Variants in ATP6V1H observed in about 807,000 individuals in gnomAD.
ATP6V1H encodes V-type proton ATPase subunit H.
In ATP6V1H, 39 loss-of-function variants were observed where a neutral mutation model predicts 71.7. The observed-to-expected ratio is 0.54, with a 90% CI of 0.42 to 0.71. ATP6V1H has a LOEUF of 0.71. Among genes scored for constraint, ATP6V1H ranks in the 30% least tolerant of loss-of-function variants. The pLI, the probability that ATP6V1H is intolerant of heterozygous loss-of-function variation, is 0.00. For missense variants in ATP6V1H, 509 were observed against 594.9 expected (o/e 0.86, Z 1.50); for synonymous variants, 192 against 199.3 (o/e 0.96, Z 0.31).
At position 53,781,508 on chromosome 8, in the gene ATP6V1H, G is replaced by C. The variant is rs188125607; in HGVS notation, c.871-9341C>G. On this transcript the variant is annotated intron_variant, in intron 9 of 13. Transcript: ENST00000359530. ...TGTGGGTTGCCTGTTCACTCTGGTG[G>C]TGGTTTCTTTTGCTGTGCAGAAGTT... Among the ~76,000 whole-genome samples the C allele has an allele frequency of 4.4e-4, 67 of 152,298 alleles. 1 individual carries two copies. In the East Asian group the frequency reaches 9.4e-3, roughly 21 times the overall value.
intron 9 of ATP6V1H, among the ~76,000 whole-genome samples, chr8:53,785,220 G>C (rs1489398829): frequency 6.6e-6 from 1 of 152,084 alleles, no homozygotes; most frequent in East Asian, 1.9e-4. Flanking sequence ...CATATTTCTT[G>C]GAGGCTTTGT....
chr8:53,747,716 T>G (rs1807657149), intron 12 of ATP6V1H, among the ~76,000 whole-genome samples: 1 of 151,668 alleles, frequency 6.6e-6, no homozygotes, highest in Admixed American at 6.6e-5. Flanking sequence ...ATTTTTTGTA[T>G]TTTTTTAGTA....
intron 3 of ATP6V1H, among the ~76,000 whole-genome samples, chr8:53,831,426 C>G (rs981269417): frequency 2.0e-5 from 3 of 152,172 alleles, no homozygotes; most frequent in Non-Finnish European, 2.9e-5. Context: ...CTTACAAGAC[C>G]GCTATTACAT....
intron 9 of ATP6V1H, among the ~76,000 whole-genome samples, chr8:53,776,424 C>T (rs766583846): frequency 6.6e-6 from 1 of 152,176 alleles, no homozygotes; most frequent in African/African-American, 2.4e-5. Flanking sequence ...TGAAAGCAAG[C>T]GAGGGCTGTG....
chr8:53,830,726 G>C (rs1014634989), intron 3 of ATP6V1H, among the ~76,000 whole-genome samples: 1 of 151,692 alleles, frequency 6.6e-6, no homozygotes, highest in African/African-American at 2.4e-5. Context: ...TAAGAAACAG[G>C]TTTAAAAAAA....
intron 4 of ATP6V1H, among the ~76,000 whole-genome samples, chr8:53,824,024 A>G (rs1390286039): frequency 6.6e-6 from 1 of 151,972 alleles, no homozygotes; most frequent in East Asian, 1.9e-4. Flanking sequence ...AAGCACAAAT[A>G]AACTAAGAAA....
chr8:53,804,166 A>T (rs1810004030), intron 7 of ATP6V1H, among the ~76,000 whole-genome samples: 1 of 152,240 alleles, frequency 6.6e-6, no homozygotes, highest in Admixed American at 6.5e-5. Flanking sequence ...GATTACTTTC[A>T]TAGTATAGAG....
At chr8:53,841,817 T>C (rs1811352061) in intron 1 of ATP6V1H, 92 bp from the exon 2 acceptor site, 2 of 1,189,286 alleles carry the variant, frequency 1.7e-6, no homozygotes, top group Non-Finnish European at 2.3e-6. Flanking sequence ...GTGATCACTT[T>C]AATCTCCCCA....
chr8:53,721,420 T>C lies in ATP6V1H; in HGVS notation c.1392-5396A>G, dbSNP rs967590360. Among the ~76,000 whole-genome samples the C allele has an allele frequency of 2.0e-4, 30 of 152,350 alleles. 1 individual carries two copies. Among genetic ancestry groups the C allele is most frequent in the African/African-American group, 6.3e-4 (26 of 41,590 alleles). ...TCCAACTCTTTCTACAGTATTTTTATGTCAGCCTAGGAAAAACAGTATTTA... is the reference window on the plus strand; with the variant it reads ...TCCAACTCTTTCTACAGTATTTTTACGTCAGCCTAGGAAAAACAGTATTTA... On this transcript the variant is annotated intron_variant, in intron 13 of 13. Transcript: ENST00000359530.
At chr8:53,749,998 T>C (rs978863367) in intron 12 of ATP6V1H, among the ~76,000 whole-genome samples, 5 of 152,190 alleles carry the variant, frequency 3.3e-5, no homozygotes, top group Non-Finnish European at 5.9e-5. Flanking sequence ...ACAGTTTTAT[T>C]CCTGAACATC....
intron 13 of ATP6V1H, among the ~76,000 whole-genome samples, chr8:53,741,434 C>T (rs978803881): frequency 1.3e-5 from 2 of 152,044 alleles, no homozygotes; most frequent in African/African-American, 4.8e-5. Context: ...TTTCAATAGC[C>T]CTAATTTCAA....
chr8:53,765,796 T>C (rs923110858), intron 11 of ATP6V1H, among the ~76,000 whole-genome samples: 7 of 152,160 alleles, frequency 4.6e-5, no homozygotes, highest in African/African-American at 1.7e-4. Context: ...TTCCATATAT[T>C]CTAAAGTTAT....
chr8:53,751,253 A>G (rs777915984), intron 12 of ATP6V1H, among the ~76,000 whole-genome samples: 11 of 152,208 alleles, frequency 7.2e-5, no homozygotes, highest in Non-Finnish European at 1.3e-4. Context: ...TATAATCTGA[A>G]TATCTCAAAC....
chr8:53,762,531 G>T (rs1328446078), intron 11 of ATP6V1H, among the ~76,000 whole-genome samples: 1 of 151,936 alleles, frequency 6.6e-6, no homozygotes. Context: ...AGACACCTTG[G>T]AAGAACAGGC....
At chr8:53,743,833 T>A (rs1009888869) in intron 12 of ATP6V1H, 143 bp from the exon 13 acceptor site, 10 of 590,288 alleles carry the variant, frequency 1.7e-5, no homozygotes, top group East Asian at 2.8e-5. Flanking sequence ...TTTACATCAT[T>A]TTCCCTGAAC....
intron 7 of ATP6V1H, 60 bp from the exon 8 acceptor site, chr8:53,801,956 C>G (rs1809923634): frequency 2.8e-6 from 4 of 1,436,462 alleles, no homozygotes; most frequent in Middle Eastern, 1.8e-4. Flanking sequence ...TGCGATCAGA[C>G]ACACATTTCT....
chr8:53,833,052 T>A lies in ATP6V1H; in HGVS notation c.148A>T (p.Ile50Phe), dbSNP rs1811057869. 2 of 1,613,768 alleles carry A rather than the reference T, an allele frequency of 1.2e-6. No individual in the cohort carries two copies. The highest frequency in any genetic ancestry group is 1.7e-5 in the Admixed American group (1 of 59,978). ...CTTCGTTTCATTTCAAACCTCTGAA[T>A]AAACTCACAATCTTCAGCAGAAATC... ...QMISAEDCEF[I>F]QRFEMKRSPE... is the part of the protein sequence containing the mutation. Residue 50 changes from isoleucine to phenylalanine, a missense_variant, in exon 3 of 14, where the codon ATT becomes TTT. By Grantham distance (21) the Ile-to-Phe change is conservative. Coordinates refer to ENST00000359530, the MANE Select transcript of ATP6V1H (RefSeq NM_015941.4).
At chr8:53,784,402 C>G (rs1378616228) in intron 9 of ATP6V1H, among the ~76,000 whole-genome samples, 1 of 152,108 alleles carries the variant, frequency 6.6e-6, no homozygotes, top group Non-Finnish European at 1.5e-5. Context: ...AGATCTTCCT[C>G]CATCCCTTTA....
intron 4 of ATP6V1H, among the ~76,000 whole-genome samples, chr8:53,823,162 A>G (rs900375336): frequency 1.3e-5 from 2 of 152,168 alleles, no homozygotes; most frequent in African/African-American, 4.8e-5. Flanking sequence ...TGATAAATAT[A>G]AATCAAACTT....
Sources: allele counts gnomAD v4.1 joint callset (sites outside exome capture counted in the v4.1 genomes callset), GRCh38; gene constraint gnomAD v4.1.1; transcripts MANE v1.5; gene names NCBI Gene and HGNC (gene_info 2026-07-23, HGNC 2026-07-21).